CIMAP3: variants seen among roughly 807,000 people sequenced by gnomAD.
CIMAP3 encodes the protein ciliary microtubule-associated protein 3.
the CIMAP3 span, among the ~76,000 whole-genome samples, chr1:111,341,395 A>T: frequency 3.9e-5 from 6 of 152,182 alleles, no homozygotes; most frequent in Non-Finnish European, 8.8e-5. Flanking sequence ...TGAATGCGTC[A>T]AAGTATTGAG....
chr1:111,332,750 G>A, the CIMAP3 span, among the ~76,000 whole-genome samples: 2 of 152,144 alleles, frequency 1.3e-5, no homozygotes, highest in Non-Finnish European at 2.9e-5. Context: ...ATGGTGCATA[G>A]CTGCTTGGCT....
the CIMAP3 span, chr1:111,347,785 G>A: frequency 6.3e-7 from 1 of 1,578,794 alleles, no homozygotes; most frequent in Admixed American, 1.7e-5. Flanking sequence ...AATGTGCTGG[G>A]ATTTTAGTGT....
At chr1:111,348,464 G>GTA in the CIMAP3 span, 14 of 1,483,920 alleles carry the variant, frequency 9.4e-6, no homozygotes, top group Middle Eastern at 5.4e-4. Flanking sequence ...GGCTTTATGT[G>GTA]TATATATATA....
At chr1:111,347,716 A>G in the CIMAP3 span, 1 of 1,612,764 alleles carries the variant, frequency 6.2e-7, no homozygotes, top group Non-Finnish European at 8.5e-7. Context: ...CCCAACCAGT[A>G]TAAAAGGATA....
At chr1:111,326,498 A>G in the CIMAP3 span, among the ~76,000 whole-genome samples, 5 of 152,196 alleles carry the variant, frequency 3.3e-5, no homozygotes, top group Non-Finnish European at 7.4e-5. Context: ...TTATAACCAA[A>G]TAGTATTTCA....
chr1:111,346,954 CTT>C, the CIMAP3 span: 2 of 1,613,874 alleles, frequency 1.2e-6, no homozygotes, highest in East Asian at 2.2e-5. Flanking sequence ...ACAGAGGAAA[CTT>C]TTTCCTCACT....
At chr1:111,350,037 T>A in the CIMAP3 span, 2 of 1,286,440 alleles carry the variant, frequency 1.6e-6, no homozygotes, top group Non-Finnish European at 2.3e-6. Flanking sequence ...CAGGGACGGC[T>A]CTGGTACTGA....
At chr1:111,340,587 C>A in the CIMAP3 span, among the ~76,000 whole-genome samples, 863 of 151,598 alleles carry the variant, frequency 5.7e-3, 8 homozygotes, top group African/African-American at 0.02. Context: ...ATTTATGCAG[C>A]CAAAAATCAC....
the CIMAP3 span, chr1:111,351,165 AG>A: frequency 1.3e-6 from 1 of 763,802 alleles, no homozygotes; most frequent in Non-Finnish European, 2.0e-6. Context: ...TATAATGTAC[AG>A]TTTTTTTTTT....
chr1:111,333,123 TG>T, the CIMAP3 span, among the ~76,000 whole-genome samples: 1 of 152,166 alleles, frequency 6.6e-6, no homozygotes, highest in Non-Finnish European at 1.5e-5. Context: ...CTCTCCTGTT[TG>T]GGGAAGGGTG....
At chr1:111,351,177 T>G in the CIMAP3 span, 8 of 950,310 alleles carry the variant, frequency 8.4e-6, no homozygotes, top group East Asian at 2.7e-5. Context: ...TTTTTTTTTT[T>G]TTTTTTTTTG....
At chr1:111,347,694 CT>C in the CIMAP3 span, 1 of 1,605,592 alleles carries the variant, frequency 6.2e-7, no homozygotes, top group Non-Finnish European at 8.5e-7. Flanking sequence ...TGGCATACGA[CT>C]TATCTAAGAT....
At chr1:111,331,623 CT>C in the CIMAP3 span, among the ~76,000 whole-genome samples, 1 of 151,860 alleles carries the variant, frequency 6.6e-6, no homozygotes, top group Non-Finnish European at 1.5e-5. Context: ...AATTTTCTAT[CT>C]GCATTCTTTG....
chr1:111,351,129 A>G, the CIMAP3 span: 5 of 771,554 alleles, frequency 6.5e-6, no homozygotes, highest in East Asian at 1.1e-4. Context: ...CTAAGGCTAG[A>G]TTACTATGGA....
chr1:111,335,127 C>CAAAAAA, the CIMAP3 span, among the ~76,000 whole-genome samples: 4 of 29,334 alleles, frequency 1.4e-4, no homozygotes, highest in Admixed American at 6.0e-4. Flanking sequence ...GTCTCTGTCT[C>CAAAAAA]AAAAAAAAAA....
the CIMAP3 span, chr1:111,350,202 GA>G: frequency 6.2e-7 from 1 of 1,612,906 alleles, no homozygotes; most frequent in South Asian, 1.1e-5. Context: ...CATGTCTACA[GA>G]AAAGAACCCT....
At chr1:111,351,154 C>T in the CIMAP3 span, 19 of 838,626 alleles carry the variant, frequency 2.3e-5, no homozygotes, top group Admixed American at 5.6e-5. Context: ...GGATTCACCT[C>T]TATAATGTAC....
the CIMAP3 span, among the ~76,000 whole-genome samples, chr1:111,341,114 A>G: frequency 6.6e-6 from 1 of 150,638 alleles, no homozygotes; most frequent in East Asian, 2.0e-4. Context: ...AGAACAAAAA[A>G]CCAAACACCG....
chr1:111,331,073 T>C, the CIMAP3 span, among the ~76,000 whole-genome samples: 2 of 152,234 alleles, frequency 1.3e-5, no homozygotes, highest in Non-Finnish European at 2.9e-5. Context: ...CTGCTACTAA[T>C]CTAATAGTTG....
Sources: allele counts gnomAD v4.1 joint callset (sites outside exome capture counted in the v4.1 genomes callset), GRCh38; gene constraint gnomAD v4.1.1; transcripts MANE v1.5; gene names NCBI Gene and HGNC (gene_info 2026-07-23, HGNC 2026-07-21).